Variants in SLC39A11 observed in about 807,000 individuals in gnomAD.
SLC39A11 encodes zinc transporter ZIP11.
A neutral mutation model predicts 36.1 loss-of-function variants in SLC39A11; 33 were observed. The ratio of observed to expected loss-of-function variants is 0.91; its 90% CI spans 0.69 to 1.22. The LOEUF is 1.22. SLC39A11 is among the 50% of genes most tolerant of loss of function. SLC39A11 has a pLI of 0.00. For synonymous variants in SLC39A11, 166 were observed against 170.3 expected (o/e 0.97, Z 0.20); for missense variants, 432 against 430.3 (o/e 1.00, Z -0.03).
At chr17:72,711,935 G>A (rs2713960) in intron 7 of SLC39A11, among the ~76,000 whole-genome samples, 42,035 of 152,134 alleles carry the variant, frequency 0.28, 7,245 homozygotes, top group African/African-American at 0.49. Context: ...CTGCTTTCTA[G>A]ATTGATGGAA....
chr17:73,084,743 C>T lies in SLC39A11; in HGVS notation c.147+65G>A, dbSNP rs528214013. Reference sequence around the variant, plus strand: ...GCAAGGGGAGGGACTGAAGACAGCCCTTGGCAGACACATGTCAGAATCAGT... The same window carrying T: ...GCAAGGGGAGGGACTGAAGACAGCCTTTGGCAGACACATGTCAGAATCAGT... On this transcript the variant is annotated intron_variant, in intron 3 of 9. Coordinates refer to ENST00000255559, the MANE Select transcript of SLC39A11 (RefSeq NM_139177.4). 7 of 1,562,266 alleles carry T rather than the reference C, an allele frequency of 4.5e-6. No individual in the cohort carries two copies. In the South Asian group the frequency reaches 6.7e-5, roughly 15 times the overall value.
intron 5 of SLC39A11, among the ~76,000 whole-genome samples, chr17:72,894,255 T>C (rs111811137): frequency 0.13 from 18,746 of 148,428 alleles, 2,079 homozygotes; most frequent in African/African-American, 0.3. Context: ...CCAGCTACTC[T>C]GGAGGCTGAG....
At chr17:73,074,367 G>C (rs2060254497) in intron 3 of SLC39A11, among the ~76,000 whole-genome samples, 1 of 143,734 alleles carries the variant, frequency 7.0e-6, no homozygotes, top group East Asian at 2.1e-4. Flanking sequence ...GTGCAATCTT[G>C]GCTCACTGCA....
At chr17:72,732,056 T>C (rs1249310947) in intron 7 of SLC39A11, among the ~76,000 whole-genome samples, 1 of 116,160 alleles carries the variant, frequency 8.6e-6, no homozygotes, top group African/African-American at 3.2e-5. Flanking sequence ...TTTTTTTTTT[T>C]TTTTTTTTTT....
intron 5 of SLC39A11, among the ~76,000 whole-genome samples, chr17:72,868,616 T>TATAAA (rs1567853955): frequency 4.4e-5 from 1 of 22,736 alleles, no homozygotes; most frequent in African/African-American, 1.9e-4. Context: ...CCCCTGTCTC[T>TATAAA]ACAAAAAAAA....
intron 4 of SLC39A11, among the ~76,000 whole-genome samples, chr17:72,991,318 G>A (rs2089157318): frequency 6.6e-6 from 1 of 151,272 alleles, no homozygotes; most frequent in South Asian, 2.1e-4. Context: ...GTATTTTACT[G>A]TATGTAGCAT....
At chr17:72,953,660 C>G (rs77293486) in intron 4 of SLC39A11, among the ~76,000 whole-genome samples, 54 of 152,314 alleles carry the variant, frequency 3.5e-4, no homozygotes, top group African/African-American at 1.3e-3. Flanking sequence ...AAGGCCCCCC[C>G]TACAAAGCAC....
At chr17:73,013,697 T>G (rs938184060) in intron 4 of SLC39A11, among the ~76,000 whole-genome samples, 2 of 152,162 alleles carry the variant, frequency 1.3e-5, no homozygotes, top group Non-Finnish European at 2.9e-5. Flanking sequence ...TTGTGATTTT[T>G]TTTTTTTAGC....
At chr17:72,651,205 A>T (rs945716326) in intron 7 of SLC39A11, among the ~76,000 whole-genome samples, 2 of 152,166 alleles carry the variant, frequency 1.3e-5, no homozygotes, top group Non-Finnish European at 2.9e-5. Context: ...TGACAAGATT[A>T]CAATGAGCCC....
At chr17:72,678,598 G>A (rs1032780030) in intron 7 of SLC39A11, among the ~76,000 whole-genome samples, 2 of 152,034 alleles carry the variant, frequency 1.3e-5, no homozygotes, top group Admixed American at 6.6e-5. Context: ...CCAGCTACTC[G>A]GGAGGCTGAG....
intron 5 of SLC39A11, among the ~76,000 whole-genome samples, chr17:72,861,151 T>A (rs2079961747): frequency 6.6e-6 from 1 of 152,192 alleles, no homozygotes; most frequent in Non-Finnish European, 1.5e-5. Context: ...AAAAATTAGA[T>A]TATGATAAGA....
At chr17:73,012,018 T>A (rs2090550766) in intron 4 of SLC39A11, among the ~76,000 whole-genome samples, 1 of 148,830 alleles carries the variant, frequency 6.7e-6, no homozygotes, top group Admixed American at 6.7e-5. Flanking sequence ...TTCACTCCTA[T>A]AATCCCAGCT....
At chr17:72,648,694 G>A (rs540027165) in intron 9 of SLC39A11, 109 bp downstream of exon 9, 62 of 1,332,088 alleles carry the variant, frequency 4.7e-5, no homozygotes, top group Middle Eastern at 1.8e-4. Context: ...GGGGCAGAGA[G>A]GGGGAGGGAA....
At chr17:72,760,430 C>A (rs2075535650) in intron 6 of SLC39A11, among the ~76,000 whole-genome samples, 1 of 152,234 alleles carries the variant, frequency 6.6e-6, no homozygotes, top group African/African-American at 2.4e-5. Context: ...CTTTTGCTCC[C>A]TCCTATTGAT....
chr17:72,740,056 CTTTTTTTTTTTTTT>C (rs386386565), intron 6 of SLC39A11, among the ~76,000 whole-genome samples: 9 of 81,462 alleles, frequency 1.1e-4, no homozygotes, highest in African/African-American at 2.1e-4. Context: ...CTTTCCTTTT[CTTTTTTTTTTTTTT>C]TTTTTTTTTT....
intron 6 of SLC39A11, among the ~76,000 whole-genome samples, chr17:72,745,530 G>A (rs1448910778): frequency 6.6e-6 from 1 of 152,178 alleles, no homozygotes. Flanking sequence ...TTTTCTCACA[G>A]GGGATCCCTT....
intron 7 of SLC39A11, among the ~76,000 whole-genome samples, chr17:72,720,741 T>C (rs2073626113): frequency 6.6e-6 from 1 of 152,222 alleles, no homozygotes; most frequent in South Asian, 2.1e-4. Context: ...TATTCTCATC[T>C]TGCAGATTAG....
intron 6 of SLC39A11, among the ~76,000 whole-genome samples, chr17:72,809,202 T>C (rs12952772): frequency 0.13 from 1,749 of 13,852 alleles, 17 homozygotes; most frequent in Non-Finnish European, 0.22. Flanking sequence ...CTTTTCTTTC[T>C]CTCTCTCTCT....
intron 7 of SLC39A11, among the ~76,000 whole-genome samples, chr17:72,673,813 C>T (rs750019967): frequency 3.9e-5 from 6 of 152,100 alleles, no homozygotes; most frequent in Non-Finnish European, 7.4e-5. Flanking sequence ...ACCTGTAATC[C>T]AGCACTTTGG....
Sources: allele counts gnomAD v4.1 joint callset (sites outside exome capture counted in the v4.1 genomes callset), GRCh38; gene constraint gnomAD v4.1.1; transcripts MANE v1.5; gene names NCBI Gene and HGNC (gene_info 2026-07-23, HGNC 2026-07-21).